KCNH1: variants seen among roughly 807,000 people sequenced by gnomAD.
KCNH1 encodes voltage-gated delayed rectifier potassium channel KCNH1.
KCNH1 carries 27 observed loss-of-function variants against 69.2 expected under a neutral mutation model. The observed-to-expected ratio is 0.39, with a 90% CI of 0.29 to 0.54. The LOEUF is 0.54. KCNH1 is among the 20% of genes least tolerant of loss of function. The pLI, the probability that KCNH1 is intolerant of heterozygous loss-of-function variation, is 0.68. For missense variants in KCNH1, 798 were observed against 1,261.6 expected (o/e 0.63, Z 5.57); for synonymous variants, 456 against 487.7 (o/e 0.93, Z 0.86).
intron 7 of KCNH1, among the ~76,000 whole-genome samples, chr1:210,916,475 A>G (rs1687335396): frequency 6.6e-6 from 1 of 152,218 alleles, no homozygotes; most frequent in African/African-American, 2.4e-5. Context: ...TTTCCACTGC[A>G]GAAACTGCTG....
At chr1:210,970,912 A>C (rs1289361018) in intron 6 of KCNH1, among the ~76,000 whole-genome samples, 1 of 152,314 alleles carries the variant, frequency 6.6e-6, no homozygotes, top group East Asian at 1.9e-4. Context: ...AATATCCAGA[A>C]TTTACAAGGA....
At chr1:210,951,125 G>C (rs781718260) in intron 6 of KCNH1, among the ~76,000 whole-genome samples, 5 of 152,162 alleles carry the variant, frequency 3.3e-5, no homozygotes, top group Non-Finnish European at 5.9e-5. Context: ...GAGAATCTCT[G>C]CAGACTCAAA....
chr1:211,132,182 A>G (rs1014173063), intron 1 of KCNH1, among the ~76,000 whole-genome samples: 3 of 152,220 alleles, frequency 2.0e-5, no homozygotes, highest in African/African-American at 7.2e-5. Flanking sequence ...ATTGTCATTG[A>G]TATTTATGAG....
At chr1:210,741,675 C>T (rs1290479182) in intron 10 of KCNH1, among the ~76,000 whole-genome samples, 2 of 152,130 alleles carry the variant, frequency 1.3e-5, no homozygotes, top group African/African-American at 4.8e-5. Flanking sequence ...AAGCCCTGGC[C>T]CACAGAATGT....
At chr1:210,935,973 T>C (rs1354463640) in intron 6 of KCNH1, among the ~76,000 whole-genome samples, 2 of 152,260 alleles carry the variant, frequency 1.3e-5, no homozygotes, top group Non-Finnish European at 2.9e-5. Context: ...AATTGGGCTT[T>C]ACATTGTCTT....
chr1:211,078,683 A>G (rs1690784301), intron 5 of KCNH1, among the ~76,000 whole-genome samples: 1 of 152,198 alleles, frequency 6.6e-6, no homozygotes, highest in African/African-American at 2.4e-5. Flanking sequence ...TCTAAAATTG[A>G]CATCCTAACA....
intron 7 of KCNH1, among the ~76,000 whole-genome samples, chr1:210,906,563 A>G (rs1373028799): frequency 6.6e-6 from 1 of 152,170 alleles, no homozygotes; most frequent in Non-Finnish European, 1.5e-5. Flanking sequence ...TTCCATAACT[A>G]TTTCTTATGC....
chr1:210,683,476 T>A lies in KCNH1; in HGVS notation c.2775A>T (p.Thr925=), dbSNP rs114571785. Residue 925 remains threonine (T), a synonymous_variant, in exon 11 of 11, where the codon ACA becomes ACT. Transcript: ENST00000271751. This position sits in a 1 kb window ranked among gnomAD's most constrained non-coding sequence, Gnocchi z 5.7. ...YPIPEQTLQA[T]VLEVRHELKE... ...TCAGCTCGTGCCTCACCTCCAGGAC[T>A]GTGGCCTGCAGCGTCTGCTCAGGGA... 32,846 of 1,614,184 alleles carry A rather than the reference T, an allele frequency of 0.02. 430 individuals carry two copies. The highest frequency in any genetic ancestry group is 0.028 in the Middle Eastern group (170 of 6,062).
At chr1:210,800,861 C>T (rs1684414150) in intron 8 of KCNH1, among the ~76,000 whole-genome samples, 2 of 152,144 alleles carry the variant, frequency 1.3e-5, no homozygotes, top group South Asian at 2.1e-4. Context: ...AGAGAAGAGG[C>T]GTTAGGATCA....
At chr1:211,028,158 C>T (rs1689718045) in intron 5 of KCNH1, among the ~76,000 whole-genome samples, 1 of 151,858 alleles carries the variant, frequency 6.6e-6, no homozygotes, top group Non-Finnish European at 1.5e-5. Context: ...TGGAATCACA[C>T]TAGAAACCAA....
intron 7 of KCNH1, among the ~76,000 whole-genome samples, chr1:210,813,027 C>G (rs764686986): frequency 8.5e-5 from 13 of 152,148 alleles, no homozygotes; most frequent in Non-Finnish European, 1.6e-4. Context: ...CTGCTTGCTT[C>G]CCCCTGGGTT....
chr1:210,999,606 T>C (rs1689128197), intron 6 of KCNH1, among the ~76,000 whole-genome samples: 1 of 152,222 alleles, frequency 6.6e-6, no homozygotes, highest in South Asian at 2.1e-4. Flanking sequence ...CTGGTACCAT[T>C]CCTTCTGAAA....
chr1:210,853,236 C>G (rs907525125), intron 7 of KCNH1, among the ~76,000 whole-genome samples: 4 of 152,130 alleles, frequency 2.6e-5, no homozygotes, highest in Non-Finnish European at 5.9e-5. Flanking sequence ...AGAGATAACA[C>G]CTACCTGGTA....
chr1:210,694,210 G>A lies in KCNH1; in HGVS notation c.2113-10072C>T, dbSNP rs749178521. On this transcript the variant is annotated intron_variant, in intron 10 of 10. Coordinates refer to ENST00000271751, the MANE Select transcript of KCNH1 (RefSeq NM_172362.3). ...CATGCCGGTAAAGACAGGGGAAATA[G>A]GGTAAGACTGCCACATAGGACATAT... 1.1e-4 allele frequency among the ~76,000 whole-genome samples: 17 copies of A among 152,128 alleles called. 1 individual carries two copies. Among genetic ancestry groups the A allele is most frequent in the Non-Finnish European group, 1.8e-4 (12 of 68,038 alleles).
At chr1:210,840,271 C>G (rs544272103) in intron 7 of KCNH1, among the ~76,000 whole-genome samples, 9 of 151,226 alleles carry the variant, frequency 6.0e-5, no homozygotes, top group African/African-American at 9.7e-5. Flanking sequence ...CATGCTAGAT[C>G]TAAAACAAAA....
intron 10 of KCNH1, among the ~76,000 whole-genome samples, chr1:210,736,973 A>G (rs1558447553): frequency 6.6e-6 from 1 of 152,214 alleles, no homozygotes; most frequent in Non-Finnish European, 1.5e-5. Flanking sequence ...ATCACCATTT[A>G]TGCAGAATTA....
At chr1:210,836,111 C>CG (rs1685274963) in intron 7 of KCNH1, among the ~76,000 whole-genome samples, 1 of 93,376 alleles carries the variant, frequency 1.1e-5, no homozygotes, top group South Asian at 4.1e-4. Flanking sequence ...GTCTCCGTCT[C>CG]AAAAAAAAAA....
chr1:210,829,754 C>T (rs1685119161), intron 7 of KCNH1, among the ~76,000 whole-genome samples: 1 of 152,136 alleles, frequency 6.6e-6, no homozygotes, highest in African/African-American at 2.4e-5. Flanking sequence ...AGAGGTGTAA[C>T]ATTATATTTC....
At chr1:210,974,355 T>A (rs1268415373) in intron 6 of KCNH1, among the ~76,000 whole-genome samples, 1 of 152,158 alleles carries the variant, frequency 6.6e-6, no homozygotes, top group East Asian at 1.9e-4. Context: ...AAAACAGCCA[T>A]GTATTCCTCA....
Sources: allele counts gnomAD v4.1 joint callset (sites outside exome capture counted in the v4.1 genomes callset), GRCh38; gene constraint gnomAD v4.1.1; non-coding constraint Gnocchi (gnomAD v3.1); transcripts MANE v1.5; gene names NCBI Gene and HGNC (gene_info 2026-07-23, HGNC 2026-07-21).